GPR158: variants seen among roughly 807,000 people sequenced by gnomAD.
The protein encoded by GPR158 is metabotropic glycine receptor.
GPR158 carries 30 observed loss-of-function variants against 78.2 expected under a neutral mutation model. The ratio of observed to expected loss-of-function variants is 0.38; its 90% CI spans 0.29 to 0.52. The LOEUF (loss-of-function observed/expected upper bound fraction) is 0.52. Ranked by LOEUF, GPR158 falls within the 20% of genes least tolerant of loss-of-function variation. GPR158 has a pLI of 0.83. For synonymous variants in GPR158, 581 were observed against 591.1 expected, an observed-to-expected ratio of 0.98 and a Z score of 0.25; for missense variants, 1,463 against 1,523.5, an observed-to-expected ratio of 0.96 and a Z score of 0.66.
intron 2 of GPR158, among the ~76,000 whole-genome samples, chr10:25,238,796 C>T (rs996162226): frequency 4.6e-5 from 7 of 152,186 alleles, no homozygotes; most frequent in Non-Finnish European, 1.0e-4. Context: ...ACCTGCAGAA[C>T]ATGATCACAT....
intron 7 of GPR158, among the ~76,000 whole-genome samples, chr10:25,581,048 C>T (rs1588922505): frequency 6.7e-6 from 1 of 150,064 alleles, no homozygotes; most frequent in Non-Finnish European, 1.5e-5. Flanking sequence ...CCTCAGCCTC[C>T]CGAGTAGCTG....
At chr10:25,464,622 C>G (rs1835398125) in intron 4 of GPR158, among the ~76,000 whole-genome samples, 1 of 152,200 alleles carries the variant, frequency 6.6e-6, no homozygotes, top group African/African-American at 2.4e-5. Context: ...TGGCCCAACA[C>G]AAAGTGGTTA....
At chr10:25,597,065 T>G (rs913941971) in intron 10 of GPR158, among the ~76,000 whole-genome samples, 1 of 152,248 alleles carries the variant, frequency 6.6e-6, no homozygotes, top group Non-Finnish European at 1.5e-5. Context: ...ACTGACTTAC[T>G]GGTATTCATA....
rs374227433 is a variant in GPR158 at position 25,175,434 on chromosome 10, C to T, written c.14C>T (p.Ala5Val). 65 of 1,564,258 alleles carry T rather than the reference C, an allele frequency of 4.2e-5. No homozygotes were observed. In the African/African-American group the frequency reaches 8.4e-4, roughly 20 times the overall value. ...TCTGGGAGGCAGATGGGAGCCATGGCTTACCCCTTACTCCTCTGCCTCCTG... is the reference window on the plus strand; with the variant it reads ...TCTGGGAGGCAGATGGGAGCCATGGTTTACCCCTTACTCCTCTGCCTCCTG... MGAM[A>V]YPLLLCLLLA... Residue 5 changes from alanine to valine, a missense_variant, in exon 1 of 11, where the codon GCT (alanine) becomes GTT (valine). Coordinates refer to ENST00000376351, the MANE Select transcript of GPR158 (RefSeq NM_020752.3). This position sits in a 1 kb window ranked among gnomAD's most constrained non-coding sequence, Gnocchi z 6.4.
At chr10:25,355,443 G>A (rs534384494) in intron 2 of GPR158, among the ~76,000 whole-genome samples, 29 of 152,080 alleles carry the variant, frequency 1.9e-4, no homozygotes, top group Admixed American at 1.2e-3. Context: ...TGTTTTACTG[G>A]AGATCACAGA....
At chr10:25,564,917 G>T (rs1836908733) in intron 6 of GPR158, among the ~76,000 whole-genome samples, 1 of 152,112 alleles carries the variant, frequency 6.6e-6, no homozygotes, top group African/African-American at 2.4e-5. Context: ...TCATTTTTGA[G>T]ATTGTATTTA....
chr10:25,489,634 G>C (rs1835778560), intron 5 of GPR158, among the ~76,000 whole-genome samples: 1 of 152,014 alleles, frequency 6.6e-6, no homozygotes, highest in Non-Finnish European at 1.5e-5. Flanking sequence ...CAGGTATTTA[G>C]CTTCTCAATG....
At chr10:25,581,382 C>T (rs1441244462) in intron 7 of GPR158, among the ~76,000 whole-genome samples, 2 of 152,118 alleles carry the variant, frequency 1.3e-5, no homozygotes, top group Non-Finnish European at 2.9e-5. Context: ...TTTTAATTTT[C>T]AATCAAAGGA....
chr10:25,591,043 T>G (rs1457531381), intron 8 of GPR158, among the ~76,000 whole-genome samples: 2 of 152,108 alleles, frequency 1.3e-5, no homozygotes, highest in East Asian at 3.9e-4. Flanking sequence ...AGATGGTTGT[T>G]ACAGAAAAAT....
intron 2 of GPR158, among the ~76,000 whole-genome samples, chr10:25,241,424 T>TCTCTTCTCTTCTCTTC (rs1853628059): frequency 1.7e-5 from 2 of 118,916 alleles, no homozygotes; most frequent in African/African-American, 7.8e-5. Context: ...TTCTTTTCTT[T>TCTCTTCTCTTCTCTTC]TCTTTTCTTT....
chr10:25,242,391 T>A (rs1853638709), intron 2 of GPR158, among the ~76,000 whole-genome samples: 3 of 152,246 alleles, frequency 2.0e-5, no homozygotes. Context: ...AGTGAAATTA[T>A]ACAGAAAAAC....
At chr10:25,326,687 T>C (rs566136567) in intron 2 of GPR158, among the ~76,000 whole-genome samples, 31 of 152,338 alleles carry the variant, frequency 2.0e-4, no homozygotes, top group African/African-American at 7.5e-4. Flanking sequence ...TCATACAGCA[T>C]GGTGACTATA....
intron 4 of GPR158, among the ~76,000 whole-genome samples, chr10:25,423,113 A>ATATATG (rs1564451143): frequency 2.0e-4 from 29 of 148,056 alleles, no homozygotes; most frequent in South Asian, 1.1e-3. Flanking sequence ...ATGTCTACAC[A>ATATATG]TATATACATA....
chr10:25,360,804 C>A (rs1411257368), intron 2 of GPR158, among the ~76,000 whole-genome samples: 3 of 151,980 alleles, frequency 2.0e-5, no homozygotes, highest in Non-Finnish European at 4.4e-5. Flanking sequence ...CAAAGAAAGT[C>A]ATTGGTAGCT....
chr10:25,391,425 C>T (rs1343758857), intron 2 of GPR158, among the ~76,000 whole-genome samples: 1 of 152,170 alleles, frequency 6.6e-6, no homozygotes, highest in Non-Finnish European at 1.5e-5. Context: ...GGCAGAGCTG[C>T]CCAAGACCAT....
At chr10:25,273,696 T>C (rs1355584298) in intron 2 of GPR158, among the ~76,000 whole-genome samples, 2 of 152,156 alleles carry the variant, frequency 1.3e-5, no homozygotes, top group South Asian at 2.1e-4. Context: ...TTTTATTTTT[T>C]TGAGACAGGT....
At chr10:25,535,977 T>C (rs975021310) in intron 5 of GPR158, among the ~76,000 whole-genome samples, 1 of 152,210 alleles carries the variant, frequency 6.6e-6, no homozygotes, top group African/African-American at 2.4e-5. Context: ...GCATCCACAC[T>C]GTGTCCCCAC....
chr10:25,292,194 G>C (rs994448863), intron 2 of GPR158, among the ~76,000 whole-genome samples: 1 of 151,814 alleles, frequency 6.6e-6, no homozygotes, highest in African/African-American at 2.4e-5. Context: ...TGGGGGTGGG[G>C]GGTAGAAGTA....
At chr10:25,489,873 T>C (rs938446571) in intron 5 of GPR158, among the ~76,000 whole-genome samples, 2 of 152,158 alleles carry the variant, frequency 1.3e-5, no homozygotes, top group African/African-American at 4.8e-5. Context: ...ATTAGAAATA[T>C]AAATGTGAAA....
Sources: allele counts gnomAD v4.1 joint callset (sites outside exome capture counted in the v4.1 genomes callset), GRCh38; gene constraint gnomAD v4.1.1; non-coding constraint Gnocchi (gnomAD v3.1); transcripts MANE v1.5; gene names NCBI Gene and HGNC (gene_info 2026-07-23, HGNC 2026-07-21).